Variants in RB1 observed in about 807,000 individuals in gnomAD.
RB1 encodes retinoblastoma-associated protein.
RB1 carries 18 observed loss-of-function variants against 135.4 expected under a neutral mutation model. The ratio of observed to expected loss-of-function variants is 0.13; its 90% CI spans 0.09 to 0.20. RB1 has a LOEUF of 0.20. RB1 is among the 10% of genes least tolerant of loss of function. The pLI, the probability that RB1 is intolerant of heterozygous loss-of-function variation, is 1.00. For missense variants in RB1, 868 were observed against 1,110.0 expected (o/e 0.78, Z 3.10); for synonymous variants, 365 against 373.2 (o/e 0.98, Z 0.25).
At chr13:48,361,708 T>C (rs924676408) in intron 7 of RB1, among the ~76,000 whole-genome samples, 3 of 152,128 alleles carry the variant, frequency 2.0e-5, no homozygotes, top group Non-Finnish European at 4.4e-5. Flanking sequence ...ATTTATACTT[T>C]GTGTTTGGTT....
intron 17 of RB1, among the ~76,000 whole-genome samples, chr13:48,395,932 A>G (rs1011238251): frequency 4.9e-4 from 75 of 152,208 alleles, no homozygotes; most frequent in African/African-American, 1.8e-3. Flanking sequence ...TATAATCGTC[A>G]GATTCACCAA....
intron 18 of RB1, 31 bp downstream of exon 18, chr13:48,453,142 C>A (rs1421068058): frequency 6.3e-7 from 1 of 1,579,530 alleles, no homozygotes; most frequent in Non-Finnish European, 8.7e-7. Flanking sequence ...GTTGACCATT[C>A]AAACTGCAAA....
intron 17 of RB1, among the ~76,000 whole-genome samples, chr13:48,398,239 A>G (rs563498838): frequency 1.3e-5 from 2 of 152,286 alleles, no homozygotes; most frequent in South Asian, 2.1e-4. Context: ...ATTTTAAAAA[A>G]TTCAATTCTG....
At position 48,434,281 on chromosome 13, in the gene RB1, C is replaced by T. The variant is rs139396730; in HGVS notation, c.1696-18712C>T. ...GGACAACATAGTGAGAATCTCTCTC[C>T]ATTTAATAAATAAATAAATAAAATT... On this transcript the variant is annotated intron_variant, in intron 17 of 26. Transcript: ENST00000267163. Among the ~76,000 whole-genome samples the T allele has an allele frequency of 5.6e-3, 845 of 151,794 alleles. 5 individuals are homozygous for T. The highest frequency in any genetic ancestry group is 0.01 in the Middle Eastern group (3 of 294).
chr13:48,357,559 G>A (rs1256019924), intron 6 of RB1, among the ~76,000 whole-genome samples: 1 of 152,034 alleles, frequency 6.6e-6, no homozygotes, highest in Non-Finnish European at 1.5e-5. Flanking sequence ...TGCTAACCCA[G>A]ATCAATTGCT....
intron 2 of RB1, among the ~76,000 whole-genome samples, chr13:48,307,977 C>T (rs541239423): frequency 1.3e-5 from 2 of 151,754 alleles, no homozygotes; most frequent in African/African-American, 4.8e-5. Flanking sequence ...AAAAAAACAC[C>T]GCCATACCTT....
intron 2 of RB1, chr13:48,328,380 G>A (rs1222538506): frequency 9.1e-6 from 14 of 1,530,894 alleles, no homozygotes; most frequent in Admixed American, 5.0e-5. Context: ...TTTCTTTGTC[G>A]TCTGACTACC....
chr13:48,373,188 A>C (rs1457110776), intron 11 of RB1, among the ~76,000 whole-genome samples: 1 of 152,186 alleles, frequency 6.6e-6, no homozygotes, highest in South Asian at 2.1e-4. Flanking sequence ...TATCTGTTCT[A>C]TAACTATAAA....
chr13:48,465,276 T>G lies in RB1; in HGVS notation c.2397T>G (p.Ile799Met), dbSNP rs749392116. 8.1e-6 allele frequency: 13 copies of G among 1,612,798 alleles called. No homozygotes were observed. Among genetic ancestry groups the G allele is most frequent in the South Asian group, 7.7e-5 (7 of 91,058 alleles). Residue 799 changes from isoleucine to methionine, a missense_variant, in exon 23 of 27, where the codon ATT (isoleucine) becomes ATG (methionine). By Grantham distance (10) the Ile-to-Met change is conservative. Transcript: ENST00000267163. Reference sequence around the variant, plus strand: ...AGTTTCCTAGTTCACCCTTACGGATTCCTGGAGGGAACATCTATATTTCAC... The same window carrying G: ...AGTTTCCTAGTTCACCCTTACGGATGCCTGGAGGGAACATCTATATTTCAC... ...PYKFPSSPLR[I>M]PGGNIYISPL...
intron 18 of RB1, among the ~76,000 whole-genome samples, chr13:48,455,331 A>C (rs1394645795): frequency 6.6e-6 from 1 of 152,192 alleles, no homozygotes; most frequent in African/African-American, 2.4e-5. Context: ...AGGTAATTGG[A>C]GATTTACACC....
At chr13:48,321,570 G>T (rs1363591391) in intron 2 of RB1, among the ~76,000 whole-genome samples, 1 of 151,852 alleles carries the variant, frequency 6.6e-6, no homozygotes, top group Non-Finnish European at 1.5e-5. Context: ...AAAAATGTCC[G>T]TTTGGCTGGG....
At chr13:48,457,930 A>C (rs560206518) in intron 19 of RB1, among the ~76,000 whole-genome samples, 1 of 152,184 alleles carries the variant, frequency 6.6e-6, no homozygotes, top group African/African-American at 2.4e-5. Flanking sequence ...GCCCCCAAGT[A>C]TACAGAGATG....
intron 2 of RB1, chr13:48,318,546 G>A (rs1289858446): frequency 3.5e-5 from 27 of 762,008 alleles, no homozygotes; most frequent in Admixed American, 5.5e-5. Context: ...CTCCCCTCCC[G>A]GGACCTCGCT....
intron 11 of RB1, among the ~76,000 whole-genome samples, chr13:48,372,456 G>A (rs1451417914): frequency 2.0e-5 from 3 of 152,102 alleles, no homozygotes. Context: ...ACAGGAGTTC[G>A]AAACCAGCCT....
At position 48,328,259 on chromosome 13, in the gene RB1, A is replaced by G. The variant is rs181367497; in HGVS notation, c.265-14340A>G. On this transcript the variant is annotated intron_variant, in intron 2 of 26. Transcript: ENST00000267163. ...CTTCTGGAGGCCTTTCCTCTGATTCACTATCTTCATCTTCATTAAAAGCTG... is the reference window on the plus strand; with the variant it reads ...CTTCTGGAGGCCTTTCCTCTGATTCGCTATCTTCATCTTCATTAAAAGCTG... 1.9e-5 allele frequency: 30 copies of G among 1,545,684 alleles called. No individual in the cohort carries two copies. The East Asian group carries it at 6.5e-4, about 34-fold the overall frequency.
intron 12 of RB1, among the ~76,000 whole-genome samples, chr13:48,374,637 T>C (rs1952800295): frequency 6.6e-6 from 1 of 151,072 alleles, no homozygotes; most frequent in Non-Finnish European, 1.5e-5. Flanking sequence ...TGCCAAAACA[T>C]ATGTACCCCA....
At chr13:48,424,832 C>T (rs909092829) in intron 17 of RB1, among the ~76,000 whole-genome samples, 1 of 152,070 alleles carries the variant, frequency 6.6e-6, no homozygotes, top group African/African-American at 2.4e-5. Flanking sequence ...GCGGGCAGAC[C>T]TCTTGAGGTC....
chr13:48,376,499 CAAAA>C (rs751662834), intron 12 of RB1, among the ~76,000 whole-genome samples: 10 of 65,938 alleles, frequency 1.5e-4, no homozygotes, highest in Admixed American at 3.5e-4. Context: ...CACTTCATCT[CAAAA>C]AAAAAAAAAA....
intron 17 of RB1, among the ~76,000 whole-genome samples, chr13:48,436,810 A>AT (rs1254169021): frequency 1.3e-5 from 2 of 152,252 alleles, no homozygotes; most frequent in African/African-American, 4.8e-5. Flanking sequence ...CTTGCGAGGC[A>AT]AAACAGTCTT....
Sources: allele counts gnomAD v4.1 joint callset (sites outside exome capture counted in the v4.1 genomes callset), GRCh38; gene constraint gnomAD v4.1.1; transcripts MANE v1.5; gene names NCBI Gene and HGNC (gene_info 2026-07-23, HGNC 2026-07-21).